ADD3: variants seen among roughly 807,000 people sequenced by gnomAD.
The protein encoded by ADD3 is gamma-adducin.
Under a neutral mutation model 80.2 loss-of-function variants are expected in ADD3, and 25 were observed. The observed-to-expected ratio is 0.31, with a 90% confidence interval of 0.23 to 0.44. ADD3 has a LOEUF of 0.44. ADD3 is among the 20% of genes least tolerant of loss of function. The probability of loss-of-function intolerance (pLI) is 1.00; values close to 1 mark genes in which losing one functional copy is unlikely to be tolerated. For missense variants in ADD3, 829 were observed against 847.5 expected (o/e 0.98, Z 0.27); for synonymous variants, 284 against 289.6 (o/e 0.98, Z 0.20).
At chr10:110,075,779 A>G (rs1845319311) in intron 1 of ADD3, 1 of 152,236 alleles carries the variant, frequency 6.6e-6, no homozygotes, top group Non-Finnish European at 1.5e-5. Context: ...GTGATTGATA[A>G]TTACATAGAT....
chr10:110,001,537 G>A (rs1252323328), upstream of ADD3, among the ~76,000 whole-genome samples: 1 of 152,150 alleles, frequency 6.6e-6, no homozygotes, highest in Admixed American at 6.5e-5. Context: ...AATGAAACGG[G>A]GCCATCCGCA....
At chr10:110,010,991 A>C (rs779232142) in intron 1 of ADD3, among the ~76,000 whole-genome samples, 5 of 152,228 alleles carry the variant, frequency 3.3e-5, no homozygotes, top group Admixed American at 1.3e-4. Context: ...TTGACATTGA[A>C]AGGGTATTCT....
chr10:110,034,669 C>G (rs1855441544), intron 1 of ADD3, among the ~76,000 whole-genome samples: 1 of 152,052 alleles, frequency 6.6e-6, no homozygotes, highest in Admixed American at 6.5e-5. Flanking sequence ...CTTACGTATA[C>G]CAGTCTACTG....
intron 1 of ADD3, among the ~76,000 whole-genome samples, chr10:110,092,741 T>A (rs976845725): frequency 6.6e-6 from 1 of 152,062 alleles, no homozygotes; most frequent in Non-Finnish European, 1.5e-5. Context: ...TGGGGAAACA[T>A]TATGTTGTAT....
In ADD3 at chr10:110,116,452, G is replaced by A. The variant is rs1252691580; in HGVS notation, c.486+42G>A. The A allele has an allele frequency of 1.9e-6, 3 of 1,603,896 alleles. No individual in the cohort carries two copies. In the Admixed American group the frequency reaches 5.1e-5, roughly 27 times the overall value. ...TCAATTCCTTTTTTAAAAAATTCCA[G>A]CTAGAAGGCAACTATACTCTTCTTA... On this transcript the variant is annotated intron_variant, in intron 4 of 14. Transcript: ENST00000356080.
At chr10:110,052,532 T>G (rs1414490760) in intron 1 of ADD3, among the ~76,000 whole-genome samples, 2 of 152,210 alleles carry the variant, frequency 1.3e-5, no homozygotes, top group Non-Finnish European at 2.9e-5. Context: ...GAGCCACAGT[T>G]CCATTGGGAA....
At chr10:110,003,385 A>G (rs1195567185), upstream of ADD3, among the ~76,000 whole-genome samples, 1 of 151,972 alleles carries the variant, frequency 6.6e-6, no homozygotes, top group Non-Finnish European at 1.5e-5. Context: ...TGAAACAACA[A>G]GTAGTAAAAC....
chr10:110,118,855 A>C (rs1225430632), intron 6 of ADD3, 119 bp downstream of exon 6: 1 of 1,070,792 alleles, frequency 9.3e-7, no homozygotes, highest in Non-Finnish European at 1.3e-6. Flanking sequence ...AATAATCTGC[A>C]TACCCAGAAA....
intron 4 of ADD3, 130 bp downstream of exon 4, chr10:110,116,540 A>G (rs1417340495): frequency 1.1e-6 from 1 of 895,596 alleles, no homozygotes; most frequent in Admixed American, 2.8e-5. Context: ...GATCACAACC[A>G]AATACTGATT....
intron 1 of ADD3, among the ~76,000 whole-genome samples, chr10:110,018,526 CAAAAAAAAAAAA>C (rs59949041): frequency 6.1e-5 from 3 of 49,508 alleles, no homozygotes; most frequent in Admixed American, 6.0e-4. Context: ...GACTTTGTCT[CAAAAAAAAAAAA>C]AAAAAAAAAA....
intron 1 of ADD3, among the ~76,000 whole-genome samples, chr10:110,060,531 G>A (rs1205847985): frequency 6.6e-6 from 1 of 152,174 alleles, no homozygotes; most frequent in Non-Finnish European, 1.5e-5. Flanking sequence ...AGAATCAAAT[G>A]CTTGCTCTGT....
intron 1 of ADD3, among the ~76,000 whole-genome samples, chr10:110,051,463 A>G (rs975789439): frequency 4.6e-5 from 7 of 152,250 alleles, no homozygotes; most frequent in Non-Finnish European, 1.0e-4. Flanking sequence ...ATAAGTATAT[A>G]TAAGTGCATC....
intron 1 of ADD3, among the ~76,000 whole-genome samples, chr10:110,087,596 A>G (rs753235746): frequency 5.3e-5 from 8 of 152,214 alleles, no homozygotes; most frequent in Non-Finnish European, 1.0e-4. Context: ...GGCAAAGGTC[A>G]TGCCATTGTG....
chr10:110,031,202 G>C (rs1465071330), intron 1 of ADD3, among the ~76,000 whole-genome samples: 2 of 152,210 alleles, frequency 1.3e-5, no homozygotes, highest in Admixed American at 6.5e-5. Flanking sequence ...TGAACCCGGA[G>C]GGGGAGGTTG....
At chr10:110,017,430 A>G (rs1432739975) in intron 1 of ADD3, among the ~76,000 whole-genome samples, 14 of 152,222 alleles carry the variant, frequency 9.2e-5, no homozygotes, top group Non-Finnish European at 1.6e-4. Flanking sequence ...TCCTTCTGCT[A>G]TATTTAAAAC....
chr10:110,087,006 C>A (rs563643483), intron 1 of ADD3, among the ~76,000 whole-genome samples: 1 of 151,994 alleles, frequency 6.6e-6, no homozygotes, highest in African/African-American at 2.4e-5. Context: ...GAAACCCACT[C>A]GCTTTAGAAA....
intron 1 of ADD3, among the ~76,000 whole-genome samples, chr10:110,038,615 G>T (rs1008694948): frequency 1.3e-5 from 2 of 152,110 alleles, no homozygotes; most frequent in African/African-American, 2.4e-5. Context: ...TTAAAAGCAC[G>T]TTGTCTTGAT....
chr10:110,114,537 G>C (rs557064335), intron 3 of ADD3, among the ~76,000 whole-genome samples: 1 of 152,170 alleles, frequency 6.6e-6, no homozygotes, highest in Admixed American at 6.5e-5. Context: ...GAACTCAAGA[G>C]TGGACAACGA....
At chr10:110,034,028 G>T (rs1855355154) in intron 1 of ADD3, among the ~76,000 whole-genome samples, 1 of 152,190 alleles carries the variant, frequency 6.6e-6, no homozygotes, top group Non-Finnish European at 1.5e-5. Context: ...GCTTTGTTTT[G>T]TTAAAACTCA....
Sources: allele counts gnomAD v4.1 joint callset (sites outside exome capture counted in the v4.1 genomes callset), GRCh38; gene constraint gnomAD v4.1.1; transcripts MANE v1.5; gene names NCBI Gene and HGNC (gene_info 2026-07-23, HGNC 2026-07-21).